Variants in YY1AP1 observed in about 807,000 individuals in gnomAD.
The protein encoded by YY1AP1 is YY1 associated protein 1, also known as YY1-associated protein 1.
Under a neutral mutation model 39.9 loss-of-function variants are expected in YY1AP1, and 43 were observed. The ratio of observed to expected loss-of-function variants is 1.08; its 90% CI spans 0.84 to 1.39. The LOEUF is 1.39. Among genes scored for constraint, YY1AP1 ranks in the 40% most tolerant of loss-of-function variants. YY1AP1 has a pLI of 0.00. For missense variants in YY1AP1, 813 were observed against 900.7 expected, an observed-to-expected ratio of 0.90 and a Z score of 1.25; for synonymous variants, 292 against 331.3, an observed-to-expected ratio of 0.88 and a Z score of 1.29.
intron 10 of YY1AP1, 123 bp downstream of exon 10, chr1:155,661,183 AG>A: frequency 3.7e-6 from 6 of 1,605,456 alleles, no homozygotes; most frequent in South Asian, 2.2e-5. Flanking sequence ...AAGGTGAATC[AG>A]GAAGATTCCT....
At chr1:155,662,578 T>TA (rs1648330373) in intron 9 of YY1AP1, among the ~76,000 whole-genome samples, 2 of 151,262 alleles carry the variant, frequency 1.3e-5, no homozygotes, top group African/African-American at 4.9e-5. Context: ...ATGATGAACA[T>TA]AAGATGTTTT....
At position 155,680,439 on chromosome 1, in the gene YY1AP1, G is replaced by A; in HGVS notation, c.-3C>T. ...ACAGTTTCAAACAGATCTTCCATCA[G>A]CTCATTTGCTTCCTTTTCTGCAAAA... On this transcript the variant is annotated 5_prime_UTR_variant, in exon 3 of 11. Coordinates refer to ENST00000355499, the MANE Select transcript of YY1AP1 (RefSeq NM_139119.3). The A allele has an allele frequency of 6.2e-7, 1 of 1,613,512 alleles. No individual in the cohort carries two copies. Among genetic ancestry groups the A allele is most frequent in the Non-Finnish European group, 8.5e-7 (1 of 1,179,648 alleles).
At chr1:155,668,992 GTGC>G (rs1309350484) in intron 8 of YY1AP1, among the ~76,000 whole-genome samples, 1 of 152,094 alleles carries the variant, frequency 6.6e-6, no homozygotes, top group East Asian at 1.9e-4. Context: ...GCCTCCCAAA[GTGC>G]TGAGATTACA....
At chr1:155,688,496 G>C in intron 1 of YY1AP1, 163 bp downstream of exon 1, 8 of 1,548,780 alleles carry the variant, frequency 5.2e-6, no homozygotes, top group Non-Finnish European at 7.0e-6. Flanking sequence ...ACGCGTACGA[G>C]TGTCTACGGG....
chr1:155,678,062 C>T (rs1326585638), intron 4 of YY1AP1, among the ~76,000 whole-genome samples: 2 of 152,218 alleles, frequency 1.3e-5, no homozygotes, highest in African/African-American at 4.8e-5. Flanking sequence ...CAGAATGTTT[C>T]AGTCAATAAC....
chr1:155,681,544 G>A (rs985484386), intron 2 of YY1AP1, among the ~76,000 whole-genome samples: 2 of 151,984 alleles, frequency 1.3e-5, no homozygotes, highest in African/African-American at 2.4e-5. Flanking sequence ...AGCTGAGACC[G>A]TCCCACTGCA....
chr1:155,688,528 C>A, intron 1 of YY1AP1, 131 bp downstream of exon 1: 2 of 1,544,422 alleles, frequency 1.3e-6, no homozygotes, highest in South Asian at 1.2e-5. Context: ...CTGCTCCCAC[C>A]AACCACCACC....
In YY1AP1 at chr1:155,688,490, G is replaced by T. The variant is rs1457222457; in HGVS notation, c.-152+169C>A. On this transcript the variant is annotated intron_variant, in intron 1 of 10. Transcript: ENST00000355499. The stretch of plus-strand genomic sequence containing the variant: ...GTAGCGCGCACGTCAGCCCGCACGC[G>T]TACGAGTGTCTACGGGCTCGTCGCT... 2.6e-6 allele frequency: 4 copies of T among 1,549,226 alleles called. No individual in the cohort carries two copies. In the Admixed American group the frequency reaches 7.8e-5, roughly 30 times the overall value.
chr1:155,672,376 T>C, intron 7 of YY1AP1, 184 bp downstream of exon 7: 1 of 881,696 alleles, frequency 1.1e-6, no homozygotes, highest in Admixed American at 2.1e-5. Context: ...GCCCGGAGAT[T>C]ATCATGTAAT....
intron 9 of YY1AP1, among the ~76,000 whole-genome samples, chr1:155,664,927 A>G (rs1437784018): frequency 6.6e-6 from 1 of 151,414 alleles, no homozygotes; most frequent in Non-Finnish European, 1.5e-5. Flanking sequence ...CCGCCACCAC[A>G]CCCGGCTAAT....
chr1:155,688,157 G>A lies in YY1AP1; in HGVS notation c.-107C>T, dbSNP rs1652825622. 1 of 1,613,974 alleles carries A rather than the reference G, an allele frequency of 6.2e-7. No individual in the cohort carries two copies. The highest frequency in any genetic ancestry group is 8.5e-7 in the Non-Finnish European group (1 of 1,179,954). On this transcript the variant is annotated 5_prime_UTR_variant, in exon 2 of 11. Coordinates refer to ENST00000355499, the MANE Select transcript of YY1AP1 (RefSeq NM_139119.3). ...GCTCCTCCGCTTCCCTGGGTCCACCGCGGATCCCTCCCGCTTGTCAGGAGG... is the reference window on the plus strand; with the variant it reads ...GCTCCTCCGCTTCCCTGGGTCCACCACGGATCCCTCCCGCTTGTCAGGAGG...
chr1:155,664,992 G>A (rs561235925), intron 9 of YY1AP1, among the ~76,000 whole-genome samples: 5 of 151,668 alleles, frequency 3.3e-5, no homozygotes, highest in Non-Finnish European at 7.4e-5. Flanking sequence ...GGATGGTCTC[G>A]ATTTCCCGAC....
chr1:155,661,194 T>G (rs768498800), intron 10 of YY1AP1, 113 bp downstream of exon 10: 1 of 1,610,354 alleles, frequency 6.2e-7, no homozygotes, highest in Non-Finnish European at 8.5e-7. Context: ...GGAAGATTCC[T>G]GAAGTCCTAG....
intron 4 of YY1AP1, among the ~76,000 whole-genome samples, chr1:155,677,549 T>C (rs1281792653): frequency 6.6e-6 from 1 of 152,228 alleles, no homozygotes; most frequent in Non-Finnish European, 1.5e-5. Flanking sequence ...GAAGTAGCTA[T>C]AACAAGCAGG....
chr1:155,668,780 G>A lies in YY1AP1; in HGVS notation c.729-3C>T, dbSNP rs2149039655. On this transcript the variant is annotated splice_region_variant and splice_polypyrimidine_tract_variant and intron_variant, in intron 8 of 10. Coordinates refer to ENST00000355499, the MANE Select transcript of YY1AP1 (RefSeq NM_139119.3). ...GCTTCAGTCCTAAAGCTAACAAACT[G>A]AGAAAGGAGCAATAACACTAAATCT... 1 of 1,614,164 alleles carries A rather than the reference G, an allele frequency of 6.2e-7. No individual in the cohort carries two copies. Among genetic ancestry groups the A allele is most frequent in the Non-Finnish European group, 8.5e-7 (1 of 1,180,028 alleles).
chr1:155,670,951 T>C (rs1649773041), intron 7 of YY1AP1: 1 of 164,876 alleles, frequency 6.1e-6, no homozygotes, highest in Non-Finnish European at 1.3e-5. Flanking sequence ...ATTACAGGCG[T>C]AAGCCACGGC....
At chr1:155,675,468 C>G (rs535402469) in intron 5 of YY1AP1, among the ~76,000 whole-genome samples, 2 of 152,100 alleles carry the variant, frequency 1.3e-5, no homozygotes, top group African/African-American at 4.8e-5. Flanking sequence ...GCTGGGATTA[C>G]AGGTGCCCGC....
intron 9 of YY1AP1, among the ~76,000 whole-genome samples, chr1:155,665,426 T>C (rs1571321097): frequency 6.6e-6 from 1 of 151,592 alleles, no homozygotes; most frequent in African/African-American, 2.4e-5. Flanking sequence ...GGTGAAACCC[T>C]GTCTCTACTA....
intron 2 of YY1AP1, among the ~76,000 whole-genome samples, chr1:155,681,841 GA>G (rs1358172906): frequency 7.3e-6 from 1 of 137,560 alleles, no homozygotes; most frequent in Non-Finnish European, 1.5e-5. Context: ...CTACATTGAG[GA>G]TTTTTTTTTT....
Sources: allele counts gnomAD v4.1 joint callset (sites outside exome capture counted in the v4.1 genomes callset), GRCh38; gene constraint gnomAD v4.1.1; transcripts MANE v1.5; gene names NCBI Gene and HGNC (gene_info 2026-07-23, HGNC 2026-07-21).